PRDM5: variants seen among roughly 807,000 people sequenced by gnomAD.
PRDM5 encodes the protein PR/SET domain 5.
A neutral mutation model predicts 81.2 loss-of-function variants in PRDM5; 56 were observed. The ratio of observed to expected loss-of-function variants is 0.69; its 90% CI spans 0.56 to 0.86. The LOEUF (loss-of-function observed/expected upper bound fraction) is 0.86, where lower values mean the gene tolerates loss of function less well. Ranked by LOEUF, PRDM5 falls within the 40% of genes least tolerant of loss-of-function variation. The pLI is 0.00. For missense variants in PRDM5, 697 were observed against 770.1 expected (o/e 0.91, Z 1.12); for synonymous variants, 267 against 256.4 (o/e 1.04, Z -0.39).
At chr4:120,735,266 C>T (rs1167433916) in intron 14 of PRDM5, among the ~76,000 whole-genome samples, 2 of 152,208 alleles carry the variant, frequency 1.3e-5, no homozygotes, top group African/African-American at 4.8e-5. Flanking sequence ...CTACAGGGAA[C>T]TGATTTTATT....
At chr4:120,888,861 C>T (rs999431629) in intron 2 of PRDM5, among the ~76,000 whole-genome samples, 2 of 152,164 alleles carry the variant, frequency 1.3e-5, no homozygotes, top group Non-Finnish European at 2.9e-5. Flanking sequence ...AATATCTTTT[C>T]ATGTTCATTG....
At chr4:120,685,788 A>T (rs147867241) in intron 1 of PRDM5, among the ~76,000 whole-genome samples, 25 of 152,242 alleles carry the variant, frequency 1.6e-4, no homozygotes, top group Non-Finnish European at 3.5e-4. Context: ...CAGATTTATC[A>T]TCTTTTCAAA....
intron 1 of PRDM5, among the ~76,000 whole-genome samples, chr4:120,911,516 G>C (rs553098979): frequency 6.6e-6 from 1 of 152,256 alleles, no homozygotes; most frequent in South Asian, 2.1e-4. Flanking sequence ...CACTGGACTA[G>C]ACAGTAACTT....
rs1307222311 is a variant in PRDM5, at chr4:120,904,198, A to AAAACAAAAAAAC, written c.177+3275_177+3276insGTTTTTTTGTTT. ...GAGGGAGACTCCTTCTCAAAAAAAA[A>AAAACAAAAAAAC]AAAAAAACAAAAAAACCTCCTTCCT... On this transcript the variant is annotated intron_variant, in intron 2 of 15. Coordinates refer to ENST00000264808, the MANE Select transcript of PRDM5 (RefSeq NM_018699.4). Among the ~76,000 whole-genome samples, 371 of 145,430 alleles carry AAAACAAAAAAAC rather than the reference A, an allele frequency of 2.6e-3. 8 individuals are homozygous for AAAACAAAAAAAC. Among genetic ancestry groups the AAAACAAAAAAAC allele is most frequent in the African/African-American group, 9.2e-3 (358 of 39,104 alleles).
intron 8 of PRDM5, among the ~76,000 whole-genome samples, chr4:120,802,337 A>T (rs925639974): frequency 6.6e-6 from 1 of 152,186 alleles, no homozygotes; most frequent in Non-Finnish European, 1.5e-5. Context: ...GACGCAGAAG[A>T]TGGGTGATTT....
At chr4:120,689,517 A>G (rs962559282), downstream of PRDM5, among the ~76,000 whole-genome samples, 2 of 152,168 alleles carry the variant, frequency 1.3e-5, no homozygotes, top group Non-Finnish European at 2.9e-5. Context: ...AGTAAGGTCT[A>G]GAGAAGATTT....
intron 15 of PRDM5, among the ~76,000 whole-genome samples, 168 bp from the exon 16 acceptor site, chr4:120,695,443 T>C (rs1271218504): frequency 6.6e-6 from 1 of 152,164 alleles, no homozygotes; most frequent in Non-Finnish European, 1.5e-5. Context: ...GATTTAAACA[T>C]TTCCAGTGAA....
chr4:120,798,391 T>G lies in PRDM5; in HGVS notation c.1064A>C (p.Lys355Thr). Residue 355 changes from lysine to threonine, a missense_variant, in exon 10 of 16, where the codon AAG becomes ACG. This residue lies in a region of PRDM5 where 577 missense variants were observed against 606.7 expected (regional missense o/e 0.95). Transcript: ENST00000264808. ...CACTTGATCAAGCCTCTTGAAAGAC[T>G]TATTACAAATCTCGCAATTATAGGG... ...KRPYNCEICN[K>T]SFKRLDQVGA... The G allele has an allele frequency of 6.2e-7, 1 of 1,612,322 alleles. No individual in the cohort carries two copies. The highest frequency in any genetic ancestry group is 8.5e-7 in the Non-Finnish European group (1 of 1,178,604).
chr4:120,734,790 G>T (rs1289270644), intron 14 of PRDM5, among the ~76,000 whole-genome samples: 2 of 152,088 alleles, frequency 1.3e-5, no homozygotes, highest in Non-Finnish European at 2.9e-5. Context: ...ACGCTCCTCT[G>T]TTTCTTCCGA....
intron 14 of PRDM5, among the ~76,000 whole-genome samples, chr4:120,735,982 C>T (rs1279030726): frequency 2.6e-5 from 4 of 152,062 alleles, no homozygotes; most frequent in Admixed American, 6.5e-5. Flanking sequence ...AGTAATTTCT[C>T]CTCATCCTTA....
rs70948365 is a variant in PRDM5, at chr4:120,872,150, C to CAAAAAAAAAAAAAA, written c.178-18624_178-18611dup. On this transcript the variant is annotated intron_variant, in intron 2 of 15. Coordinates refer to ENST00000264808, the MANE Select transcript of PRDM5 (RefSeq NM_018699.4). ...TGGGCGACAGAGCAAGACTCCATCT[C>CAAAAAAAAAAAAAA]AAAAAAAAAAAAAAAAAAAAAAAAC... is the stretch of plus-strand genomic sequence containing the variant. Among the ~76,000 whole-genome samples the CAAAAAAAAAAAAAA allele has an allele frequency of 2.9e-3, 121 of 41,834 alleles. 7 individuals are homozygous for CAAAAAAAAAAAAAA. The highest frequency in any genetic ancestry group is 6.9e-3 in the East Asian group (11 of 1,592). 27.4% of individuals were successfully genotyped at this position (41,834 alleles called of 152,430 possible).
At chr4:120,910,037 C>T (rs552742453) in intron 1 of PRDM5, among the ~76,000 whole-genome samples, 2 of 150,542 alleles carry the variant, frequency 1.3e-5, no homozygotes, top group South Asian at 4.2e-4. Context: ...TAAATTTCTT[C>T]ATATTTTCTA....
At chr4:120,914,848 G>C (rs1052769884) in intron 1 of PRDM5, among the ~76,000 whole-genome samples, 1 of 152,150 alleles carries the variant, frequency 6.6e-6, no homozygotes, top group South Asian at 2.1e-4. Context: ...TAATGTCTCT[G>C]GCAGCGGCTT....
chr4:120,826,508 C>T (rs1244653080), intron 3 of PRDM5, among the ~76,000 whole-genome samples: 1 of 152,032 alleles, frequency 6.6e-6, no homozygotes, highest in Non-Finnish European at 1.5e-5. Context: ...GTTGCTTTTA[C>T]CTCCCCAAAA....
intron 2 of PRDM5, among the ~76,000 whole-genome samples, chr4:120,886,174 C>T (rs1266558197): frequency 6.6e-6 from 1 of 152,162 alleles, no homozygotes; most frequent in African/African-American, 2.4e-5. Flanking sequence ...TATTTTTCCA[C>T]CAAGGTCTAC....
downstream of PRDM5, among the ~76,000 whole-genome samples, chr4:120,690,206 CA>C (rs2148977773): frequency 6.6e-6 from 1 of 152,188 alleles, no homozygotes; most frequent in South Asian, 2.1e-4. Context: ...ATGTATTTAT[CA>C]GATACTAAGG....
chr4:120,770,760 G>A (rs1203787192), intron 13 of PRDM5, among the ~76,000 whole-genome samples: 1 of 152,066 alleles, frequency 6.6e-6, no homozygotes, highest in Non-Finnish European at 1.5e-5. Flanking sequence ...ATGCAGAGAA[G>A]TTTCACACCT....
At chr4:120,815,449 A>G (rs139906051) in intron 7 of PRDM5, among the ~76,000 whole-genome samples, 86 of 152,346 alleles carry the variant, frequency 5.6e-4, no homozygotes, top group African/African-American at 2.0e-3. Context: ...CTTAATATGC[A>G]GCCCAAACCA....
chr4:120,766,594 C>T lies in PRDM5; in HGVS notation c.1537+10594G>A, dbSNP rs548410757. ...CATGATGAAAGGAGTGTATGTAGTT[C>T]TATGGTATGTTCAAGAGTAACAGCA... On this transcript the variant is annotated intron_variant, in intron 13 of 15. Coordinates refer to ENST00000264808, the MANE Select transcript of PRDM5 (RefSeq NM_018699.4). Among the ~76,000 whole-genome samples, 114 of 152,088 alleles carry T rather than the reference C, an allele frequency of 7.5e-4. 1 individual carries two copies. Among genetic ancestry groups the T allele is most frequent in the Non-Finnish European group, 1.5e-3 (103 of 68,002 alleles).
Sources: gnomAD v4.1 joint callset for allele counts (sites outside exome capture counted in the v4.1 genomes callset) on GRCh38, gnomAD v4.1.1 for gene constraint, gnomAD v4.1.1 regional missense constraint, MANE v1.5 for transcripts, NCBI Gene and HGNC (gene_info 2026-07-23, HGNC 2026-07-21) for gene names.